The following SLC39A14 variants were observed in gnomAD, a reference collection of about 807,000 sequenced individuals.
The protein encoded by SLC39A14 is solute carrier family 39 member 14.
In SLC39A14, 19 loss-of-function variants were observed where a neutral mutation model predicts 45.5. That is an observed-to-expected ratio of 0.42 (90% CI 0.29 to 0.61). SLC39A14 has a LOEUF of 0.61. Among genes scored for constraint, SLC39A14 ranks in the 20% least tolerant of loss-of-function variants. The pLI is 0.22. For missense variants in SLC39A14, 447 were observed against 616.5 expected, an observed-to-expected ratio of 0.73 and a Z score of 2.91; for synonymous variants, 264 against 251.3, an observed-to-expected ratio of 1.05 and a Z score of -0.48.
chr8:22,425,021 T>TC (rs1280937675), downstream of SLC39A14, among the ~76,000 whole-genome samples: 2 of 107,584 alleles, frequency 1.9e-5, no homozygotes, highest in Non-Finnish European at 3.4e-5. Flanking sequence ...AGAGTGAGAC[T>TC]CCGTCTCAAA....
chr8:22,402,762 C>G (rs1425326649), intron 1 of SLC39A14, among the ~76,000 whole-genome samples: 1 of 129,232 alleles, frequency 7.7e-6, no homozygotes, highest in African/African-American at 3.2e-5. Flanking sequence ...GAGTGAGACT[C>G]CATTTCAAAA....
intron 1 of SLC39A14, among the ~76,000 whole-genome samples, chr8:22,396,397 GAGAGAGAGAGAGAGA>G (rs1357336716): frequency 0.028 from 189 of 6,850 alleles, 46 homozygotes; most frequent in African/African-American, 0.053. Context: ...GAGAGAGAGA[GAGAGAGAGAGAGAGA>G]GGGGGGGGGG....
chr8:22,426,132 T>C (rs1280305735), downstream of SLC39A14, among the ~76,000 whole-genome samples: 1 of 152,180 alleles, frequency 6.6e-6, no homozygotes, highest in Non-Finnish European at 1.5e-5. Context: ...CCTCAGGTGA[T>C]CCGCCCACCC....
At chr8:22,373,563 A>C (rs529210587) in intron 1 of SLC39A14, among the ~76,000 whole-genome samples, 1 of 152,240 alleles carries the variant, frequency 6.6e-6, no homozygotes, top group South Asian at 2.1e-4. Context: ...GTCACATTTC[A>C]TGTAGCTTCT....
downstream of SLC39A14, among the ~76,000 whole-genome samples, chr8:22,426,354 C>T (rs1447488426): frequency 6.6e-6 from 1 of 152,022 alleles, no homozygotes; most frequent in African/African-American, 2.4e-5. Context: ...GCCACCACAC[C>T]TGGCTAATTT....
At chr8:22,417,628 C>T (rs747520653) in intron 7 of SLC39A14, 23 bp from the exon 8 acceptor site, 1 of 1,605,684 alleles carries the variant, frequency 6.2e-7, no homozygotes, top group Admixed American at 1.7e-5. Context: ...TCGTCCCTCC[C>T]CTTTTCATTC....
chr8:22,401,800 C>T (rs370743466), intron 1 of SLC39A14, among the ~76,000 whole-genome samples: 6 of 151,912 alleles, frequency 3.9e-5, no homozygotes, highest in Non-Finnish European at 5.9e-5. Flanking sequence ...TCTCCCGAAG[C>T]GCTGGGATTA....
At chr8:22,405,557 C>T (rs941306257) in intron 2 of SLC39A14, among the ~76,000 whole-genome samples, 22 of 152,246 alleles carry the variant, frequency 1.4e-4, no homozygotes, top group Non-Finnish European at 2.5e-4. Context: ...GGGTTCTCAG[C>T]CCCCCAGAAT....
chr8:22,419,615 A>G lies in SLC39A14; in HGVS notation c.1396A>G (p.Ile466Val), dbSNP rs1563617594. Reference sequence around the variant, plus strand: ...GAAGGGCAGCATCTTGATTCCATTTATCATCCAGAACCTGGGCCTCCTGAC... The same window carrying G: ...GAAGGGCAGCATCTTGATTCCATTTGTCATCCAGAACCTGGGCCTCCTGAC... The part of the protein sequence containing the change: ...ERKGSILIPF[I>V]IQNLGLLTGF... The change falls in exon 9 of 9, where the codon ATC becomes GTC. Residue 466 changes from isoleucine to valine, a missense_variant. Physicochemically the swap from Ile to Val is conservative, Grantham distance 29 (BLOSUM62 3). Transcript: ENST00000381237. 6.2e-7 allele frequency: 1 copy of G among 1,614,164 alleles called. No individual in the cohort carries two copies.
At chr8:22,376,367 G>T in intron 1 of SLC39A14, among the ~76,000 whole-genome samples, 1 of 137,052 alleles carries the variant, frequency 7.3e-6, no homozygotes. Context: ...ATTTTCAGTA[G>T]AGACAGGGTT....
chr8:22,402,355 A>T (rs1001999601), intron 1 of SLC39A14, among the ~76,000 whole-genome samples: 11 of 152,180 alleles, frequency 7.2e-5, no homozygotes, highest in Non-Finnish European at 1.6e-4. Flanking sequence ...ACTGCACTCC[A>T]GCCTGGGCGA....
At chr8:22,374,125 A>C (rs1833083444) in intron 1 of SLC39A14, among the ~76,000 whole-genome samples, 1 of 152,190 alleles carries the variant, frequency 6.6e-6, no homozygotes, top group South Asian at 2.1e-4. Flanking sequence ...AACCTGCATA[A>C]AGAGGTTTGG....
intron 8 of SLC39A14, among the ~76,000 whole-genome samples, chr8:22,428,170 G>A (rs572618942): frequency 6.6e-6 from 1 of 152,192 alleles, no homozygotes; most frequent in African/African-American, 2.4e-5. Context: ...GGTGGCGCAT[G>A]CCTGTAATCC....
chr8:22,419,731 G>A lies in SLC39A14; in HGVS notation c.*33G>A, dbSNP rs554639966. ...CCAAGAGCCTGTGGGACTGGAAGTC[G>A]GGCCCTGGGCTGCCCGATCGCCAGC... On this transcript the variant is annotated 3_prime_UTR_variant, in exon 9 of 9. Transcript: ENST00000381237. 17 of 1,544,316 alleles carry A rather than the reference G, an allele frequency of 1.1e-5. No homozygotes were observed. In the Admixed American group the frequency reaches 1.3e-4, roughly 11 times the overall value.
chr8:22,414,054 A>G (rs1010163142), intron 4 of SLC39A14, among the ~76,000 whole-genome samples: 6 of 152,016 alleles, frequency 3.9e-5, no homozygotes, highest in Non-Finnish European at 1.5e-5. Context: ...TGCATGAGCC[A>G]CCGTGCCCGG....
downstream of SLC39A14, chr8:22,422,837 T>C (rs796467147): frequency 7.7e-5 from 35 of 457,294 alleles, no homozygotes; most frequent in African/African-American, 7.2e-4. Context: ...TTGTTGTTGT[T>C]ATTGAGACAG....
At chr8:22,371,971 C>T (rs1832964078) in intron 1 of SLC39A14, among the ~76,000 whole-genome samples, 1 of 151,922 alleles carries the variant, frequency 6.6e-6, no homozygotes, top group Non-Finnish European at 1.5e-5. Flanking sequence ...TCTCCAACTC[C>T]TGACTTTGTG....
intron 3 of SLC39A14, chr8:22,410,153 G>T: frequency 6.2e-7 from 1 of 1,610,992 alleles, no homozygotes; most frequent in Non-Finnish European, 8.5e-7. Flanking sequence ...CTCTTTCCCT[G>T]GGGCGGCACA....
chr8:22,405,831 C>T (rs1422051569), intron 2 of SLC39A14, among the ~76,000 whole-genome samples: 1 of 152,200 alleles, frequency 6.6e-6, no homozygotes, highest in Non-Finnish European at 1.5e-5. Context: ...CTCTGCTAAT[C>T]AGACTCTGGG....
Sources: allele counts gnomAD v4.1 joint callset (sites outside exome capture counted in the v4.1 genomes callset), GRCh38; gene constraint gnomAD v4.1.1; transcripts MANE v1.5; gene names NCBI Gene and HGNC (gene_info 2026-07-23, HGNC 2026-07-21).